The following TJP1 variants were observed in gnomAD, a reference collection of about 807,000 sequenced individuals.
TJP1 encodes the protein tight junction protein 1.
Under a neutral mutation model 194.2 loss-of-function variants are expected in TJP1, and 43 were observed. That is an observed-to-expected ratio of 0.22 (90% CI 0.17 to 0.29). TJP1 has a LOEUF of 0.29. Among genes scored for constraint, TJP1 ranks in the 10% least tolerant of loss-of-function variants. TJP1 has a pLI of 1.00. For synonymous variants in TJP1, 801 were observed against 779.0 expected, an observed-to-expected ratio of 1.03 and a Z score of -0.47; for missense variants, 1,971 against 2,185.7, an observed-to-expected ratio of 0.90 and a Z score of 1.96.
intron 2 of TJP1, among the ~76,000 whole-genome samples, chr15:29,879,816 A>T (rs965635454): frequency 1.3e-5 from 2 of 152,036 alleles, no homozygotes; most frequent in Admixed American, 6.6e-5. Flanking sequence ...GGCTCAGGTG[A>T]TCCTCTCACC....
intron 2 of TJP1, among the ~76,000 whole-genome samples, chr15:29,941,950 T>C (rs1353386259): frequency 6.6e-6 from 1 of 152,092 alleles, no homozygotes; most frequent in Non-Finnish European, 1.5e-5. Flanking sequence ...GGGAAGCGAC[T>C]GGAGAAATGG....
At chr15:29,877,753 G>A (rs1356706735) in intron 2 of TJP1, among the ~76,000 whole-genome samples, 2 of 151,740 alleles carry the variant, frequency 1.3e-5, no homozygotes, top group Non-Finnish European at 2.9e-5. Flanking sequence ...CCGCCTCCCA[G>A]GGTCAAGCCA....
At chr15:29,792,643 T>C (rs2048169295) in intron 2 of TJP1, among the ~76,000 whole-genome samples, 1 of 152,196 alleles carries the variant, frequency 6.6e-6, no homozygotes, top group Admixed American at 6.5e-5. Context: ...GTGAAGAATG[T>C]CATTGGTGTT....
At chr15:29,885,160 C>T (rs985266409) in intron 2 of TJP1, among the ~76,000 whole-genome samples, 4 of 145,720 alleles carry the variant, frequency 2.7e-5, no homozygotes, top group Non-Finnish European at 6.1e-5. Context: ...AGATCTCGAT[C>T]CTGTCCTCCT....
intron 2 of TJP1, among the ~76,000 whole-genome samples, chr15:29,842,307 T>C (rs1001415889): frequency 2.6e-5 from 4 of 152,164 alleles, no homozygotes; most frequent in African/African-American, 9.7e-5. Flanking sequence ...TATACATACA[T>C]TTAAGAAAGA....
Position 29,736,747 on chromosome 15 carries a change from C to T in TJP1, c.1407+517G>A, listed in dbSNP as rs78141449. ...TCTTGTGGAGTATGAAGTTTCAAAG[C>T]CAGGCAGCTTACACATTTGCCTTTG... is the stretch of plus-strand genomic sequence containing the variant. On this transcript the variant is annotated intron_variant, in intron 11 of 27. Transcript: ENST00000614355. 7.5e-3 allele frequency among the ~76,000 whole-genome samples: 1,147 copies of T among 152,236 alleles called. 11 individuals carry two copies. Among genetic ancestry groups the T allele is most frequent in the Middle Eastern group, 0.034 (10 of 294 alleles).
At chr15:29,728,144 T>G (rs1472901454) in intron 15 of TJP1, 125 bp from the exon 16 acceptor site, 1 of 689,932 alleles carries the variant, frequency 1.4e-6, no homozygotes, top group South Asian at 1.8e-5. Context: ...AACTGTCTTA[T>G]GCATGCAGTA....
intron 2 of TJP1, among the ~76,000 whole-genome samples, chr15:29,791,283 T>TC (rs913897311): frequency 2.0e-5 from 3 of 151,832 alleles, no homozygotes; most frequent in Non-Finnish European, 1.5e-5. Context: ...CACCTTGCCC[T>TC]CCCAAAGTGC....
chr15:29,843,390 T>G (rs183562232), intron 2 of TJP1, among the ~76,000 whole-genome samples: 1 of 152,082 alleles, frequency 6.6e-6, no homozygotes, highest in African/African-American at 2.4e-5. Flanking sequence ...GGTTTCTCTA[T>G]GTTGGTCAGG....
intron 2 of TJP1, among the ~76,000 whole-genome samples, chr15:29,942,491 T>C (rs1220467204): frequency 6.6e-6 from 1 of 152,210 alleles, no homozygotes; most frequent in Admixed American, 6.5e-5. Context: ...ATCAAGAAAG[T>C]ATCCATTAAG....
At chr15:29,853,609 AT>A (rs1239693693) in intron 2 of TJP1, among the ~76,000 whole-genome samples, 3 of 152,274 alleles carry the variant, frequency 2.0e-5, no homozygotes, top group East Asian at 1.9e-4. Flanking sequence ...AGGTGGCTGT[AT>A]TTTTCCCCCC....
intron 7 of TJP1, 86 bp from the exon 8 acceptor site, chr15:29,761,372 A>G (rs1428726551): frequency 3.3e-5 from 49 of 1,487,910 alleles, no homozygotes; most frequent in Non-Finnish European, 4.4e-5. Flanking sequence ...AAGATAAGCT[A>G]GTAAGTAAAA....
chr15:29,805,390 C>G (rs1490903081), intron 1 of TJP1, among the ~76,000 whole-genome samples: 1 of 152,104 alleles, frequency 6.6e-6, no homozygotes, highest in African/African-American at 2.4e-5. Flanking sequence ...ACAGGATGAG[C>G]CTATAACTGG....
intron 1 of TJP1, among the ~76,000 whole-genome samples, chr15:29,807,039 G>A (rs1489697936): frequency 1.3e-5 from 2 of 152,142 alleles, no homozygotes; most frequent in East Asian, 1.9e-4. Context: ...TAGGATAAAA[G>A]TCTCAATAGA....
intron 23 of TJP1, among the ~76,000 whole-genome samples, chr15:29,711,554 T>C (rs2042243699): frequency 6.6e-6 from 1 of 152,146 alleles, no homozygotes; most frequent in South Asian, 2.1e-4. Context: ...TTAGTAGAGA[T>C]GGCGTTTCAC....
At chr15:29,771,076 A>G (rs908515124) in intron 4 of TJP1, among the ~76,000 whole-genome samples, 9 of 152,170 alleles carry the variant, frequency 5.9e-5, no homozygotes, top group African/African-American at 2.2e-4. Context: ...TATCCACTAT[A>G]TATTTTTACT....
intron 8 of TJP1, among the ~76,000 whole-genome samples, chr15:29,748,717 T>C (rs953409902): frequency 8.6e-5 from 13 of 151,880 alleles, no homozygotes; most frequent in African/African-American, 2.7e-4. Flanking sequence ...GGACTACAGA[T>C]GCGTGCCACC....
At chr15:29,890,495 T>C (rs963953505) in intron 2 of TJP1, among the ~76,000 whole-genome samples, 1 of 152,054 alleles carries the variant, frequency 6.6e-6, no homozygotes, top group South Asian at 2.1e-4. Flanking sequence ...GTTGGTGTAG[T>C]TTCCTAAGGG....
At chr15:29,710,752 A>G in intron 24 of TJP1, 79 bp downstream of exon 24, 1 of 1,573,970 alleles carries the variant, frequency 6.4e-7, no homozygotes, top group East Asian at 2.2e-5. Context: ...TTAATGTAAA[A>G]ACCATTTTGC....
Sources: gnomAD v4.1 joint callset for allele counts (sites outside exome capture counted in the v4.1 genomes callset) on GRCh38, gnomAD v4.1.1 for gene constraint, MANE v1.5 for transcripts, NCBI Gene and HGNC (gene_info 2026-07-23, HGNC 2026-07-21) for gene names.